Variants in SLC1A7 observed in about 807,000 individuals in gnomAD.
The protein encoded by SLC1A7 is excitatory amino acid transporter 5.
SLC1A7 carries 40 observed loss-of-function variants against 47.7 expected under a neutral mutation model. That is an observed-to-expected ratio of 0.84 (90% CI 0.65 to 1.09). The LOEUF is 1.09. Among genes scored for constraint, SLC1A7 ranks in the 50% least tolerant of loss-of-function variants. The pLI is 0.00. For synonymous variants in SLC1A7, 323 were observed against 325.6 expected (o/e 0.99, Z 0.09); for missense variants, 746 against 769.5 (o/e 0.97, Z 0.36).
intron 4 of SLC1A7, among the ~76,000 whole-genome samples, chr1:53,104,880 C>T (rs1644622871): frequency 1.3e-5 from 2 of 152,186 alleles, no homozygotes; most frequent in Admixed American, 1.3e-4. Flanking sequence ...AAAGACTGAG[C>T]ACAAGGACAT....
In SLC1A7 at chr1:53,134,053, C is replaced by T. The variant is rs116912181; in HGVS notation, c.215+297G>A. ...TGCATTACCATGAACAGCCCCTCCT[C>T]TGGGAAGCCAACCCTCAACTCCCTG... On this transcript the variant is annotated intron_variant, in intron 2 of 10. Transcript: ENST00000371494. Among the ~76,000 whole-genome samples the T allele has an allele frequency of 2.1e-3, 316 of 152,328 alleles. 7 individuals carry two copies. In the East Asian group the frequency reaches 0.049, roughly 24 times the overall value.
At chr1:53,096,965 GGTACACTCACACACCCCGCCTCA>G (rs1194369566) in intron 5 of SLC1A7, among the ~76,000 whole-genome samples, 17 of 139,626 alleles carry the variant, frequency 1.2e-4, no homozygotes, top group African/African-American at 4.2e-4. Flanking sequence ...AACCTGCCTC[GGTACACTCACACACCCCGCCTCA>G]GTACACTCAC....
rs1644988682 is a variant in SLC1A7, at chr1:53,135,991, C to A, written c.136-1562G>T. On this transcript the variant is annotated intron_variant, in intron 1 of 10. Transcript: ENST00000371494. ...GAGGGGACTCTTGAGATCTTCTAGC[C>A]CAGCCCACTCATGTGATAGATGAGG... 2.6e-5 allele frequency among the ~76,000 whole-genome samples: 4 copies of A among 151,812 alleles called. No individual in the cohort carries two copies. The South Asian group carries it at 8.3e-4, about 32-fold the overall frequency.
rs375302130 is a variant in SLC1A7 at position 53,097,284 on chromosome 1, A to G, written c.698-3724T>C. Among the ~76,000 whole-genome samples the G allele has an allele frequency of 8.7e-5, 13 of 148,948 alleles. No homozygotes were observed. In the East Asian group the frequency reaches 1.2e-3, roughly 14 times the overall value. On this transcript the variant is annotated intron_variant, in intron 5 of 10. Transcript: ENST00000371494. Reference sequence around the variant, plus strand: ...ACACTCACACACCCCGCCTTGGTACACTCACACAACCCACCTCGGTACCCT... The same window carrying G: ...ACACTCACACACCCCGCCTTGGTACGCTCACACAACCCACCTCGGTACCCT...
intron 2 of SLC1A7, among the ~76,000 whole-genome samples, chr1:53,117,531 C>T (rs763455502): frequency 2.0e-5 from 3 of 152,178 alleles, no homozygotes; most frequent in Non-Finnish European, 2.9e-5. Flanking sequence ...CCGGAGTGAT[C>T]GTGTCCCTGG....
At chr1:53,088,582 A>G (rs770890232) in intron 10 of SLC1A7, among the ~76,000 whole-genome samples, 3 of 152,088 alleles carry the variant, frequency 2.0e-5, no homozygotes, top group Non-Finnish European at 2.9e-5. Context: ...CAGACCTACA[A>G]ATGCTCACAT....
intron 1 of SLC1A7, among the ~76,000 whole-genome samples, chr1:53,136,594 A>AATATATAAACATATATAAT (rs1557693358): frequency 7.8e-6 from 1 of 128,544 alleles, no homozygotes; most frequent in Non-Finnish European, 1.7e-5. Flanking sequence ...AAACATATAT[A>AATATATAAACATATATAAT]ATATATAAAC....
chr1:53,099,364 C>T lies in SLC1A7; in HGVS notation c.697+3982G>A, dbSNP rs527936725. ...TGCCTCAGTACCTCACATACCGCCT[C>T]GGTACACACACATACCCTGCCTTGA... On this transcript the variant is annotated intron_variant, in intron 5 of 10. Coordinates refer to ENST00000371494, the MANE Select transcript of SLC1A7 (RefSeq NM_006671.6). 5.0e-4 allele frequency among the ~76,000 whole-genome samples: 54 copies of T among 108,650 alleles called. 1 individual carries two copies. Among genetic ancestry groups the T allele is most frequent in the Admixed American group, 1.8e-3 (17 of 9,640 alleles). 71.3% of individuals were successfully genotyped at this position (108,650 alleles called of 152,430 possible).
rs1352995719 is a variant in SLC1A7, at chr1:53,105,671, GCTGCCTGCCCTC to G, written c.474+49_474+60del. ...ACTTCCCAGCCATGCCACTAGCCCTGCTGCCTGCCCTCCTGCCTGCTGCCCCTTCCCTCCCCT... is the reference window on the plus strand; with the variant it reads ...ACTTCCCAGCCATGCCACTAGCCCTGCTGCCTGCTGCCCCTTCCCTCCCCT... On this transcript the variant is annotated intron_variant, in intron 4 of 10. Transcript: ENST00000371494. 5.4e-6 allele frequency: 7 copies of G among 1,299,588 alleles called. No individual in the cohort carries two copies. The East Asian group carries it at 1.2e-4, about 21-fold the overall frequency. The allele number at this position is 1,299,588 out of a possible 1,614,324, so 80.5% of individuals were successfully genotyped here. A position where few individuals can be genotyped will look rare whatever the true frequency, so the allele number is the denominator to read the frequency against.
chr1:53,121,111 T>G (rs6660952), intron 2 of SLC1A7, among the ~76,000 whole-genome samples: 4,529 of 152,346 alleles, frequency 0.03, 193 homozygotes, highest in African/African-American at 0.094. Flanking sequence ...ACTGTCTGTC[T>G]GTGACCACCT....
At position 53,088,059 on chromosome 1, in the gene SLC1A7, T is replaced by A. The variant is rs192590104; in HGVS notation, c.1633A>T (p.Ser545Cys). The A allele has an allele frequency of 7.4e-5, 118 of 1,600,496 alleles. 2 individuals carry two copies. The Admixed American group carries it at 1.9e-3, about 26-fold the overall frequency. The change falls in exon 11 of 11, where the codon AGT becomes TGT. Residue 545 changes from serine to cysteine, a missense_variant. Physicochemically the swap from Ser to Cys is moderately radical, Grantham distance 112 (BLOSUM62 -1). Transcript: ENST00000371494. ...VEQDEELPAASLNHCTIQISE... is the reference protein window; with the variant it reads ...VEQDEELPAACLNHCTIQISE... ...ATCTGGATGGTGCAGTGGTTCAGAC[T>A]CGCAGCGGGCAGCTCCTCATCCTGC... is the stretch of plus-strand genomic sequence containing the variant.
chr1:53,108,079 C>T (rs1644663948), intron 3 of SLC1A7: 1 of 156,522 alleles, frequency 6.4e-6, no homozygotes, highest in Non-Finnish European at 1.4e-5. Flanking sequence ...TCTCTAAAAG[C>T]ATTTGTATCT....
intron 3 of SLC1A7, among the ~76,000 whole-genome samples, chr1:53,106,386 G>A (rs1288424): frequency 6.6e-6 from 1 of 151,068 alleles, no homozygotes; most frequent in Admixed American, 6.6e-5. Flanking sequence ...GGGAGGCCAA[G>A]GCGGGCGGAT....
chr1:53,138,453 A>G (rs1011035856), intron 1 of SLC1A7, among the ~76,000 whole-genome samples: 5 of 149,274 alleles, frequency 3.3e-5, no homozygotes, highest in African/African-American at 1.2e-4. Context: ...ATTTTCTTAT[A>G]TTTTCTTTTT....
At chr1:53,121,398 C>G (rs1380043134) in intron 2 of SLC1A7, among the ~76,000 whole-genome samples, 2 of 152,186 alleles carry the variant, frequency 1.3e-5, no homozygotes, top group East Asian at 3.9e-4. Flanking sequence ...TGTGTGACAT[C>G]GAGACAGTTG....
At chr1:53,105,572 C>G (rs1389605807) in intron 4 of SLC1A7, among the ~76,000 whole-genome samples, 160 bp downstream of exon 4, 2 of 152,058 alleles carry the variant, frequency 1.3e-5, no homozygotes, top group Non-Finnish European at 2.9e-5. Context: ...CTCTAAGGAT[C>G]TAGGTTCCCC....
rs1323722239 is a variant in SLC1A7, at chr1:53,092,607, G to A, written c.978C>T (p.Val326=). 1 of 1,614,216 alleles carries A rather than the reference G, an allele frequency of 6.2e-7. No homozygotes were observed. Among genetic ancestry groups the A allele is most frequent in the Non-Finnish European group, 8.5e-7 (1 of 1,180,038 alleles). The change falls in exon 7 of 11, where the codon GTC becomes GTT. Residue 326 remains valine, a synonymous_variant. Transcript: ENST00000371494. The stretch of plus-strand genomic sequence containing the variant: ...GAGCCTGCAGGATGCCACGGATGAA[G>A]ACGATGGGATTCTTCTTGGTGATGA... ...YFFITKKNPI[V]FIRGILQALL...
chr1:53,122,888 C>T (rs1265972788), intron 2 of SLC1A7, among the ~76,000 whole-genome samples: 1 of 152,196 alleles, frequency 6.6e-6, no homozygotes, highest in Non-Finnish European at 1.5e-5. Context: ...TGGACCAAAC[C>T]TCTTGGCCTC....
chr1:53,091,784 G>A (rs1478750304), intron 7 of SLC1A7, among the ~76,000 whole-genome samples: 3 of 152,146 alleles, frequency 2.0e-5, no homozygotes, highest in African/African-American at 4.8e-5. Context: ...AAGTTCCTGC[G>A]ACTCCCTTAA....
Sources: allele counts gnomAD v4.1 joint callset (sites outside exome capture counted in the v4.1 genomes callset), GRCh38; gene constraint gnomAD v4.1.1; transcripts MANE v1.5; gene names NCBI Gene and HGNC (gene_info 2026-07-23, HGNC 2026-07-21).